Variants in ARL15 observed in about 807,000 individuals in gnomAD.
ARL15 encodes ARF like GTPase 15.
A neutral mutation model predicts 25.2 loss-of-function variants in ARL15; 19 were observed. That is an observed-to-expected ratio of 0.75 (90% CI 0.53 to 1.10). The LOEUF is 1.10. Ranked by LOEUF, ARL15 falls within the 50% of genes least tolerant of loss-of-function variation. The probability of loss-of-function intolerance (pLI) is 0.00; values close to 1 mark genes in which losing one functional copy is unlikely to be tolerated. For missense variants in ARL15, 220 were observed against 246.0 expected (o/e 0.89, Z 0.71); for synonymous variants, 94 against 86.8 (o/e 1.08, Z -0.46).
At chr5:53,956,900 A>G (rs964273475) in intron 4 of ARL15, among the ~76,000 whole-genome samples, 4 of 152,082 alleles carry the variant, frequency 2.6e-5, no homozygotes, top group Non-Finnish European at 5.9e-5. Context: ...GCAATTATCC[A>G]ATCTGAGGAG....
chr5:54,159,737 C>T (rs188342899), intron 2 of ARL15, among the ~76,000 whole-genome samples: 1 of 152,296 alleles, frequency 6.6e-6, no homozygotes, highest in African/African-American at 2.4e-5. Context: ...TTTAACCCCA[C>T]AAATTTTTAA....
intron 4 of ARL15, among the ~76,000 whole-genome samples, chr5:53,988,862 G>T (rs930020449): frequency 6.6e-6 from 1 of 152,124 alleles, no homozygotes; most frequent in African/African-American, 2.4e-5. Context: ...GAGGAGTGGT[G>T]AATTTCTGAA....
At chr5:54,029,333 T>TACCACTACCACCACCACC (rs1749893411) in intron 4 of ARL15, among the ~76,000 whole-genome samples, 1 of 94,664 alleles carries the variant, frequency 1.1e-5, no homozygotes, top group Non-Finnish European at 2.1e-5. Context: ...CCACCACCAC[T>TACCACTACCACCACCACC]ACCACCACCA....
At chr5:54,145,631 CGTGT>C (rs139835116) in intron 3 of ARL15, among the ~76,000 whole-genome samples, 2 of 151,138 alleles carry the variant, frequency 1.3e-5, no homozygotes, top group Admixed American at 6.6e-5. Flanking sequence ...TGTGTGCGTG[CGTGT>C]GTGTGTGTGT....
intron 4 of ARL15, among the ~76,000 whole-genome samples, chr5:53,955,373 C>T (rs893848874): frequency 3.9e-5 from 6 of 152,014 alleles, no homozygotes; most frequent in East Asian, 1.9e-4. Context: ...TGTGAGCTTA[C>T]GGCAGCATTT....
intron 4 of ARL15, among the ~76,000 whole-genome samples, chr5:54,077,284 C>T (rs73754448): frequency 0.017 from 2,547 of 152,106 alleles, 78 homozygotes; most frequent in African/African-American, 0.059. Context: ...GAAAATAACA[C>T]GGAAAACATG....
chr5:54,236,347 G>A (rs1756805037), intron 1 of ARL15, among the ~76,000 whole-genome samples: 1 of 151,884 alleles, frequency 6.6e-6, no homozygotes, highest in Non-Finnish European at 1.5e-5. Context: ...TACTTTAAGT[G>A]AATAACTGGC....
intron 1 of ARL15, among the ~76,000 whole-genome samples, chr5:54,215,620 G>T (rs762296025): frequency 7.3e-5 from 10 of 136,668 alleles, no homozygotes; most frequent in East Asian, 1.9e-4. Flanking sequence ...GTGCGCGAAG[G>T]GGGGAGGGGG....
chr5:54,309,613 G>A (rs889554988), intron 1 of ARL15, among the ~76,000 whole-genome samples: 2 of 152,226 alleles, frequency 1.3e-5, no homozygotes, highest in African/African-American at 4.8e-5. Flanking sequence ...CTCTGTAAAT[G>A]AGGATCCCCT....
At chr5:53,968,716 G>A (rs568499719) in intron 4 of ARL15, among the ~76,000 whole-genome samples, 31 of 151,770 alleles carry the variant, frequency 2.0e-4, no homozygotes, top group Middle Eastern at 6.8e-3. Flanking sequence ...TGACCATGTC[G>A]GCCAGGCTGG....
chr5:53,977,124 C>T (rs1404411393), intron 4 of ARL15, among the ~76,000 whole-genome samples: 1 of 151,960 alleles, frequency 6.6e-6, no homozygotes, highest in Non-Finnish European at 1.5e-5. Context: ...TTTGGGAGGC[C>T]GAGGCGGGCG....
chr5:54,137,853 G>A lies in ARL15; in HGVS notation c.253+16727C>T, dbSNP rs184708582. Among the ~76,000 whole-genome samples, 281 of 151,014 alleles carry A rather than the reference G, an allele frequency of 1.9e-3. 2 individuals carry two copies. The highest frequency in any genetic ancestry group is 0.013 in the South Asian group (60 of 4,750). ...GTGGATTTCAGAAGCTTTGAATCCC[G>A]TAACATGGATTTTAAGAGAGAAAGC... On this transcript the variant is annotated intron_variant, in intron 3 of 4. Coordinates refer to ENST00000504924, the MANE Select transcript of ARL15 (RefSeq NM_019087.3).
intron 1 of ARL15, among the ~76,000 whole-genome samples, chr5:54,193,773 T>C (rs1242267797): frequency 2.6e-5 from 4 of 151,548 alleles, no homozygotes; most frequent in Non-Finnish European, 4.4e-5. Context: ...TTATGTACTC[T>C]GCCTAGCACA....
intron 4 of ARL15, among the ~76,000 whole-genome samples, chr5:53,899,334 T>G (rs1744980189): frequency 9.3e-6 from 1 of 107,306 alleles, no homozygotes; most frequent in African/African-American, 3.9e-5. Flanking sequence ...GGTAACAGAG[T>G]GAGACTCTAT....
At chr5:54,250,344 G>A (rs1222147315) in intron 1 of ARL15, among the ~76,000 whole-genome samples, 2 of 152,090 alleles carry the variant, frequency 1.3e-5, no homozygotes, top group Non-Finnish European at 2.9e-5. Flanking sequence ...AGACTTGGGG[G>A]GACAAACACC....
At chr5:54,029,244 G>A (rs1749884106) in intron 4 of ARL15, among the ~76,000 whole-genome samples, 1 of 151,758 alleles carries the variant, frequency 6.6e-6, no homozygotes, top group Non-Finnish European at 1.5e-5. Context: ...AGGAGTACAT[G>A]AGATAATGTT....
At chr5:54,226,073 G>C (rs62372195) in intron 1 of ARL15, among the ~76,000 whole-genome samples, 1 of 152,120 alleles carries the variant, frequency 6.6e-6, no homozygotes, top group East Asian at 1.9e-4. Flanking sequence ...TCAGTGGCCT[G>C]GGATATAGAC....
At chr5:54,232,585 G>A (rs1756700629) in intron 1 of ARL15, among the ~76,000 whole-genome samples, 1 of 152,128 alleles carries the variant, frequency 6.6e-6, no homozygotes. Flanking sequence ...GAACCAACAG[G>A]TAGAAATATG....
chr5:54,200,179 G>A (rs11741397), intron 1 of ARL15, among the ~76,000 whole-genome samples: 10,611 of 150,728 alleles, frequency 0.07, 500 homozygotes, highest in Middle Eastern at 0.14. Flanking sequence ...AGCACCAGGA[G>A]ATATACATAA....
Sources: allele counts gnomAD v4.1 joint callset (sites outside exome capture counted in the v4.1 genomes callset), GRCh38; gene constraint gnomAD v4.1.1; transcripts MANE v1.5; gene names NCBI Gene and HGNC (gene_info 2026-07-23, HGNC 2026-07-21).